Variants in JADE1 observed in about 807,000 individuals in gnomAD.
The protein encoded by JADE1 is protein Jade-1.
A neutral mutation model predicts 81.8 loss-of-function variants in JADE1; 14 were observed. The ratio of observed to expected loss-of-function variants is 0.17; its 90% CI spans 0.11 to 0.27. JADE1 has a LOEUF of 0.27. Ranked by LOEUF, JADE1 falls within the 10% of genes least tolerant of loss-of-function variation. JADE1 has a pLI of 1.00. For missense variants in JADE1, 690 were observed against 1,047.9 expected (o/e 0.66, Z 4.71); for synonymous variants, 353 against 391.9 (o/e 0.90, Z 1.17).
chr4:128,862,556 A>T, intron 9 of JADE1: 1 of 1,147,864 alleles, frequency 8.7e-7, no homozygotes, highest in Non-Finnish European at 1.1e-6. Context: ...GAGCCCCAAG[A>T]AAATGACCCA....
intron 9 of JADE1, chr4:128,863,946 C>T (rs893660574): frequency 2.0e-6 from 2 of 985,206 alleles, no homozygotes; most frequent in Non-Finnish European, 2.4e-6. Context: ...TAACTCTTTT[C>T]TGTACTTAAG....
rs1352575868 is a variant in JADE1, at chr4:128,855,948, T to C, written c.864+151T>C. 10 of 573,692 alleles carry C rather than the reference T, an allele frequency of 1.7e-5. No individual in the cohort carries two copies. The East Asian group carries it at 3.0e-4, about 17-fold the overall frequency. The allele number at this position is 573,692 out of a possible 1,614,324, so 35.5% of individuals were successfully genotyped here. On this transcript the variant is annotated intron_variant, in intron 7 of 10. Coordinates refer to ENST00000226319, the MANE Select transcript of JADE1 (RefSeq NM_199320.4). Reference sequence around the variant, plus strand: ...GATCCTCCCACCTCAGCCTTTTGAGTAGCTGAGATTATAGGCATGTGCTAC... The same window carrying C: ...GATCCTCCCACCTCAGCCTTTTGAGCAGCTGAGATTATAGGCATGTGCTAC...
At chr4:128,816,636 T>TA (rs1199369106) in intron 1 of JADE1, among the ~76,000 whole-genome samples, 1 of 152,174 alleles carries the variant, frequency 6.6e-6, no homozygotes, top group Non-Finnish European at 1.5e-5. Context: ...CCTTTATCAC[T>TA]AGGAAAGGGG....
intron 10 of JADE1, among the ~76,000 whole-genome samples, chr4:128,868,854 ATAGT>A (rs1479927270): frequency 6.6e-6 from 1 of 152,006 alleles, no homozygotes; most frequent in Non-Finnish European, 1.5e-5. Flanking sequence ...TCATTGGAAG[ATAGT>A]CAGCCTCTCT....
chr4:128,812,170 C>T (rs1477023988), intron 1 of JADE1, among the ~76,000 whole-genome samples: 3 of 151,858 alleles, frequency 2.0e-5, no homozygotes. Flanking sequence ...GCGGCGGGGA[C>T]GCCGCTGCGG....
In JADE1 at chr4:128,849,057, A is replaced by C. The variant is rs1730120407; in HGVS notation, c.374A>C (p.Glu125Ala). ...GTGTCATCAGGCTCTGAGCCTCCCG[A>C]GTTGGGCTATGTGGACATCCGGACG... Reference protein sequence around the residue: ...YIVSSGSEPPELGYVDIRTLA... With the variant: ...YIVSSGSEPPALGYVDIRTLA... Residue 125 changes from glutamate to alanine, a missense_variant, in exon 5 of 11, where the codon GAG (glutamate) becomes GCG (alanine). Physicochemically the swap from Glu to Ala is moderately radical, Grantham distance 107. Transcript: ENST00000226319. 1 of 1,613,996 alleles carries C rather than the reference A, an allele frequency of 6.2e-7. No individual in the cohort carries two copies. Among genetic ancestry groups the C allele is most frequent in the Non-Finnish European group, 8.5e-7 (1 of 1,180,028 alleles).
rs1471881440 is a variant in JADE1 at position 128,872,420 on chromosome 4, C to T, written c.*158C>T. The T allele has an allele frequency of 1.5e-6, 1 of 651,098 alleles. No homozygotes were observed. The highest frequency in any genetic ancestry group is 3.1e-5 in the Admixed American group (1 of 32,764). 40.3% of individuals were successfully genotyped at this position (651,098 alleles called of 1,614,324 possible). A position where few individuals can be genotyped will look rare whatever the true frequency, so the allele number is the denominator to read the frequency against. On this transcript the variant is annotated 3_prime_UTR_variant, in exon 11 of 11. Coordinates refer to ENST00000226319, the MANE Select transcript of JADE1 (RefSeq NM_199320.4). ...TTTTTTTCCAGAGTCATTTTTAAAT[C>T]ATTTTTGTGAGAAGTTTGTGTTATT...
intron 3 of JADE1, among the ~76,000 whole-genome samples, 193 bp downstream of exon 3, chr4:128,843,231 A>T (rs1729598044): frequency 6.6e-6 from 1 of 152,274 alleles, no homozygotes. Context: ...GTTAATTCAC[A>T]TAGACTAATA....
intron 9 of JADE1, chr4:128,862,503 G>T: frequency 7.7e-7 from 1 of 1,292,036 alleles, no homozygotes; most frequent in South Asian, 1.9e-5. Context: ...AATGGGGTGT[G>T]TCTTCCCCAC....
chr4:128,862,505 C>A, intron 9 of JADE1: 1 of 1,285,682 alleles, frequency 7.8e-7, no homozygotes, highest in Non-Finnish European at 9.9e-7. Context: ...TGGGGTGTGT[C>A]TTCCCCACCC....
chr4:128,850,334 G>C (rs912638519), intron 5 of JADE1, among the ~76,000 whole-genome samples: 4 of 148,218 alleles, frequency 2.7e-5, no homozygotes, highest in Non-Finnish European at 6.0e-5. Flanking sequence ...AAAATCACAA[G>C]ATTTTTGTCA....
chr4:128,820,687 T>TC (rs1310713250), intron 1 of JADE1, among the ~76,000 whole-genome samples: 3 of 138,224 alleles, frequency 2.2e-5, no homozygotes, highest in Admixed American at 1.4e-4. Flanking sequence ...AGTCTCTCTC[T>TC]TTTTTTTTTT....
chr4:128,850,383 C>T (rs965537982), intron 5 of JADE1, among the ~76,000 whole-genome samples: 9 of 151,604 alleles, frequency 5.9e-5, no homozygotes, highest in East Asian at 1.9e-4. Context: ...AGACCTTTTG[C>T]GTCTTTCCAG....
chr4:128,818,638 A>G (rs1205151273), intron 1 of JADE1, among the ~76,000 whole-genome samples: 4 of 152,196 alleles, frequency 2.6e-5, no homozygotes, highest in Admixed American at 2.0e-4. Context: ...TGTGGGTCAT[A>G]TGGTCTGTCG....
At position 128,871,315 on chromosome 4, in the gene JADE1, C is replaced by T. The variant is rs755360094; in HGVS notation, c.1622-40C>T. ...GAATTTTATTCTTTTGGATTTGCTT[C>T]TGCTGTAATTTTTCTTTATTTGTGG... On this transcript the variant is annotated intron_variant, in intron 10 of 10. Coordinates refer to ENST00000226319, the MANE Select transcript of JADE1 (RefSeq NM_199320.4). This position sits in a 1 kb window ranked among gnomAD's most constrained non-coding sequence, Gnocchi z 4.1. The T allele has an allele frequency of 4.5e-5, 71 of 1,561,284 alleles. No individual in the cohort carries two copies. Among genetic ancestry groups the T allele is most frequent in the Non-Finnish European group, 6.1e-5 (70 of 1,148,720 alleles).
intron 2 of JADE1, 27 bp downstream of exon 2, chr4:128,831,837 G>A: frequency 6.2e-7 from 1 of 1,600,850 alleles, no homozygotes; most frequent in Non-Finnish European, 8.6e-7. Context: ...TGTTCTTGGA[G>A]CCTACCAGGG....
At chr4:128,853,330 A>T (rs1377162941) in intron 6 of JADE1, among the ~76,000 whole-genome samples, 2 of 152,208 alleles carry the variant, frequency 1.3e-5, no homozygotes, top group Non-Finnish European at 2.9e-5. Context: ...GGACTTCAAC[A>T]TGTCTTTTAG....
At chr4:128,856,817 A>C (rs1467884250) in intron 7 of JADE1, among the ~76,000 whole-genome samples, 1 of 152,124 alleles carries the variant, frequency 6.6e-6, no homozygotes, top group Non-Finnish European at 1.5e-5. Flanking sequence ...TATTGATGGG[A>C]TACAATTCGG....
intron 9 of JADE1, chr4:128,864,400 C>A: frequency 1.0e-6 from 1 of 959,246 alleles, no homozygotes; most frequent in Non-Finnish European, 1.2e-6. Flanking sequence ...CCTGTCTTGG[C>A]CTCCCAGAGT....
Sources: gnomAD v4.1 joint callset for allele counts (sites outside exome capture counted in the v4.1 genomes callset) on GRCh38, gnomAD v4.1.1 for gene constraint, Gnocchi (gnomAD v3.1) non-coding constraint, MANE v1.5 for transcripts, NCBI Gene and HGNC (gene_info 2026-07-23, HGNC 2026-07-21) for gene names.